Variants in SLC23A2 observed in about 807,000 individuals in gnomAD.
SLC23A2 encodes the protein Na(+)/L-ascorbic acid transporter 2.
A neutral mutation model predicts 73.3 loss-of-function variants in SLC23A2; 36 were observed. That is an observed-to-expected ratio of 0.49 (90% CI 0.38 to 0.65). SLC23A2 has a LOEUF of 0.65. SLC23A2 is among the 30% of genes least tolerant of loss of function. The probability of loss-of-function intolerance (pLI) is 0.00; values close to 1 mark genes in which losing one functional copy is unlikely to be tolerated. For synonymous variants in SLC23A2, 343 were observed against 327.3 expected (o/e 1.05, Z -0.52); for missense variants, 507 against 841.6 (o/e 0.60, Z 4.92).
chr20:4,893,889 ACT>A (rs924820640), intron 6 of SLC23A2, among the ~76,000 whole-genome samples: 7 of 151,190 alleles, frequency 4.6e-5, no homozygotes, highest in African/African-American at 1.7e-4. Flanking sequence ...ATGCCGTAAG[ACT>A]CTCCTCCCAC....
chr20:4,917,586 G>A (rs533058518), intron 3 of SLC23A2, among the ~76,000 whole-genome samples: 1 of 152,266 alleles, frequency 6.6e-6, no homozygotes, highest in Admixed American at 6.5e-5. Context: ...ATCCAAAAAA[G>A]GAAGGTTTAC....
intron 1 of SLC23A2, among the ~76,000 whole-genome samples, chr20:4,986,124 C>T (rs1394938668): frequency 6.6e-6 from 1 of 151,924 alleles, no homozygotes; most frequent in Non-Finnish European, 1.5e-5. Flanking sequence ...GCATCATAAC[C>T]AAAATTTTTA....
At position 4,874,045 on chromosome 20, in the gene SLC23A2, C is replaced by T. The variant is rs1930559162; in HGVS notation, c.993G>A (p.Thr331=). 13 of 1,614,050 alleles carry T rather than the reference C, an allele frequency of 8.1e-6. No individual in the cohort carries two copies. Among genetic ancestry groups the T allele is most frequent in the East Asian group, 2.2e-5 (1 of 44,868 alleles). ...TGTCGGGAGGGAAGACATCTGTCAC[C>T]GTGAAGATGAAGCAGAGCAGCCAGG... The part of the protein sequence containing the change: ...LVSWLLCFIF[T]VTDVFPPDST... The change falls in exon 11 of 17, where the codon ACG becomes ACA. Residue 331 remains threonine (T), a synonymous_variant. Coordinates refer to ENST00000338244, the MANE Select transcript of SLC23A2 (RefSeq NM_005116.6).
At chr20:4,951,948 C>A (rs1446098182) in intron 2 of SLC23A2, among the ~76,000 whole-genome samples, 1 of 151,516 alleles carries the variant, frequency 6.6e-6, no homozygotes, top group Non-Finnish European at 1.5e-5. Context: ...ACTAAACATA[C>A]AAAAATTAGC....
Position 4,862,726 on chromosome 20 carries a change from C to T in SLC23A2, c.1486+52G>A. On this transcript the variant is annotated intron_variant, in intron 14 of 16. Transcript: ENST00000338244. The surrounding 1 kb of genome is among the most constrained non-coding windows in gnomAD (Gnocchi z 5.1). The stretch of plus-strand genomic sequence containing the variant: ...GGGAGTCAGCAAAAACACCATGACC[C>T]CTATTAAAAATTTGGAAAAGTAAAG... The T allele has an allele frequency of 6.5e-7, 1 of 1,546,412 alleles. No individual in the cohort carries two copies.
At chr20:4,983,549 G>A (rs1292387785) in intron 1 of SLC23A2, among the ~76,000 whole-genome samples, 4 of 151,826 alleles carry the variant, frequency 2.6e-5, no homozygotes, top group African/African-American at 7.3e-5. Context: ...GGGAGGCTGA[G>A]GCAGGAGAAT....
At chr20:4,895,360 T>C (rs965992781) in intron 6 of SLC23A2, among the ~76,000 whole-genome samples, 9 of 152,146 alleles carry the variant, frequency 5.9e-5, no homozygotes, top group East Asian at 5.8e-4. Context: ...TCACAGTCTC[T>C]CTACCCCAAC....
rs975460525 is a variant in SLC23A2 at position 4,857,697 on chromosome 20, G to A, written c.1721-493C>T. Among the ~76,000 whole-genome samples the A allele has an allele frequency of 2.8e-4, 42 of 152,166 alleles. No individual in the cohort carries two copies. Among genetic ancestry groups the A allele is most frequent in the African/African-American group, 9.2e-4 (38 of 41,512 alleles). On this transcript the variant is annotated intron_variant, in intron 16 of 16. Coordinates refer to ENST00000338244, the MANE Select transcript of SLC23A2 (RefSeq NM_005116.6). This position sits in a 1 kb window ranked among gnomAD's most constrained non-coding sequence, Gnocchi z 4.0. ...TGTAATCCAAGCACTTTGGGAGGCC[G>A]AGGTGAGAGGATCACATGAAGTCAG...
At chr20:4,923,486 G>A (rs147158703) in intron 3 of SLC23A2, among the ~76,000 whole-genome samples, 301 of 152,222 alleles carry the variant, frequency 2.0e-3, no homozygotes, top group Middle Eastern at 0.01. Context: ...CTAAATCATG[G>A]CCATTATGCA....
At chr20:4,885,021 C>A (rs1444717239) in intron 7 of SLC23A2, among the ~76,000 whole-genome samples, 198 bp from the exon 8 acceptor site, 1 of 152,200 alleles carries the variant, frequency 6.6e-6, no homozygotes, top group Non-Finnish European at 1.5e-5. Flanking sequence ...CAAATGAATT[C>A]ATCGACTAAG....
intron 4 of SLC23A2, among the ~76,000 whole-genome samples, chr20:4,905,904 T>G (rs1184145435): frequency 1.3e-5 from 2 of 152,204 alleles, no homozygotes; most frequent in African/African-American, 4.8e-5. Context: ...TAAACCAAAT[T>G]TGGCTTGCCA....
chr20:4,928,990 GCCTGTAATCCCAACACTTTGGGAGGCT>G (rs1275195229), intron 3 of SLC23A2, among the ~76,000 whole-genome samples: 1 of 152,200 alleles, frequency 6.6e-6, no homozygotes, highest in African/African-American at 2.4e-5. Flanking sequence ...GGTGGCTCAC[GCCTGTAATCCCAACACTTTGGGAGGCT>G]GAGACAGGTG....
chr20:4,938,334 C>CT (rs752802054), intron 2 of SLC23A2, among the ~76,000 whole-genome samples: 2,042 of 124,880 alleles, frequency 0.016, 59 homozygotes, highest in African/African-American at 0.049. Flanking sequence ...CTCATTCCAT[C>CT]TTTTTTTTTT....
chr20:5,009,892 G>A (rs897933311), intron 1 of SLC23A2, among the ~76,000 whole-genome samples: 5 of 152,020 alleles, frequency 3.3e-5, no homozygotes, highest in South Asian at 2.1e-4. Context: ...TCAGGAGATC[G>A]AGACCATCCT....
At chr20:4,874,202 G>A in intron 10 of SLC23A2, 110 bp from the exon 11 acceptor site, 1 of 972,548 alleles carries the variant, frequency 1.0e-6, no homozygotes, top group African/African-American at 1.8e-5. Flanking sequence ...ACCACAGTCA[G>A]TACTTTGCAG....
At chr20:4,999,759 C>T (rs1279682) in intron 1 of SLC23A2, among the ~76,000 whole-genome samples, 30,584 of 151,900 alleles carry the variant, frequency 0.2, 3,501 homozygotes, top group African/African-American at 0.32. Context: ...CTTAATTGAC[C>T]GTGCCACAGT....
At chr20:4,996,971 A>G (rs1203447439) in intron 1 of SLC23A2, among the ~76,000 whole-genome samples, 1 of 152,148 alleles carries the variant, frequency 6.6e-6, no homozygotes, top group Non-Finnish European at 1.5e-5. Flanking sequence ...GGTTGGCATC[A>G]CAACTTAACA....
intron 1 of SLC23A2, among the ~76,000 whole-genome samples, chr20:4,979,271 C>A (rs1238152491): frequency 6.7e-6 from 1 of 148,648 alleles, no homozygotes; most frequent in Non-Finnish European, 1.5e-5. Context: ...CCAGCCTGGG[C>A]AACAGGGTGA....
chr20:4,940,501 C>T (rs1600154003), intron 2 of SLC23A2, among the ~76,000 whole-genome samples: 1 of 151,364 alleles, frequency 6.6e-6, no homozygotes, highest in Admixed American at 6.6e-5. Context: ...GATATGGCAG[C>T]ACTTCAAATC....
Sources: gnomAD v4.1 joint callset for allele counts (sites outside exome capture counted in the v4.1 genomes callset) on GRCh38, gnomAD v4.1.1 for gene constraint, Gnocchi (gnomAD v3.1) non-coding constraint, MANE v1.5 for transcripts, NCBI Gene and HGNC (gene_info 2026-07-23, HGNC 2026-07-21) for gene names.